Variants in GSE1 observed in about 807,000 individuals in gnomAD.
The protein encoded by GSE1 is genetic suppressor element 1.
Under a neutral mutation model 112.6 loss-of-function variants are expected in GSE1, and 32 were observed. That is an observed-to-expected ratio of 0.28 (90% CI 0.21 to 0.38). GSE1 has a LOEUF of 0.38. Ranked by LOEUF, GSE1 falls within the 10% of genes least tolerant of loss-of-function variation. The pLI, the probability that GSE1 is intolerant of heterozygous loss-of-function variation, is 1.00. For missense variants in GSE1, 2,348 were observed against 1,699.2 expected, an observed-to-expected ratio of 1.38 and a Z score of -6.71; for synonymous variants, 1,115 against 735.6, an observed-to-expected ratio of 1.52 and a Z score of -8.35.
intron 1 of GSE1, among the ~76,000 whole-genome samples, chr16:85,621,370 C>G (rs928066017): frequency 2.0e-5 from 3 of 152,248 alleles, no homozygotes; most frequent in African/African-American, 7.2e-5. Flanking sequence ...CCACCGCCCC[C>G]CGTGCTGGGG....
chr16:85,333,489 T>G lies in GSE1; in HGVS notation c.2284-23974T>G, dbSNP rs376909343. On this transcript the variant is annotated intron_variant, in intron 1 of 2. Transcript: ENST00000637419. ...GCAGCCCGGCCTCGGGCCCTTCCAC[T>G]TTGCCCACCTCACCCCCTTAGGGCT... 3.6e-4 allele frequency among the ~76,000 whole-genome samples: 55 copies of G among 152,232 alleles called. No individual in the cohort carries two copies. The South Asian group carries it at 0.011, about 31-fold the overall frequency.
chr16:85,635,453 G>A (rs1283146902), intron 2 of GSE1, among the ~76,000 whole-genome samples: 3 of 152,190 alleles, frequency 2.0e-5, no homozygotes, highest in Non-Finnish European at 4.4e-5. Flanking sequence ...GACAGCTGCA[G>A]GCAAGATGGC....
chr16:85,668,451 G>C, intron 14 of GSE1, 27 bp downstream of exon 14: 6 of 1,339,280 alleles, frequency 4.5e-6, no homozygotes, highest in Non-Finnish European at 5.2e-6. Context: ...GAAGAGGGGG[G>C]AGGGGGTCAG....
At chr16:85,349,816 A>G (rs2046817515) in intron 1 of GSE1, among the ~76,000 whole-genome samples, 1 of 152,104 alleles carries the variant, frequency 6.6e-6, no homozygotes, top group African/African-American at 2.4e-5. Context: ...GCCTCAGCCC[A>G]TCAGCAAACC....
chr16:85,203,705 C>T (rs1328207380), intron 1 of GSE1, among the ~76,000 whole-genome samples: 1 of 152,302 alleles, frequency 6.6e-6, no homozygotes. Context: ...GTACAGTTCA[C>T]AGAGTTGTGC....
At chr16:85,551,453 C>T (rs2044910061), upstream of GSE1, among the ~76,000 whole-genome samples, 1 of 152,226 alleles carries the variant, frequency 6.6e-6, no homozygotes, top group African/African-American at 2.4e-5. Flanking sequence ...CCAAAAGCCA[C>T]AGCCAAGCCA....
intron 2 of GSE1, among the ~76,000 whole-genome samples, chr16:85,435,547 C>G (rs1165624640): frequency 6.6e-6 from 1 of 152,112 alleles, no homozygotes; most frequent in Admixed American, 6.5e-5. Flanking sequence ...GGGGGAGGGG[C>G]TGGGGGCTGA....
rs1367777453 is a variant in GSE1 at position 85,246,421 on chromosome 16, ACC to A, written c.2283+74617_2283+74618del. 6.2e-4 allele frequency among the ~76,000 whole-genome samples: 25 copies of A among 40,404 alleles called. 1 individual carries two copies. Among genetic ancestry groups the A allele is most frequent in the African/African-American group, 2.3e-3 (24 of 10,422 alleles). The allele number at this position is 40,404 out of a possible 152,430, so 26.5% of individuals were successfully genotyped here. ...ACGCTGTCTACACACACACACACAC[ACC>A]CCATGCTCTCTACACACACACACAC... On this transcript the variant is annotated intron_variant, in intron 1 of 2. Coordinates refer to the GSE1 transcript ENST00000637419.
Position 85,655,913 on chromosome 16 carries a change from G to C in GSE1, c.985G>C (p.Glu329Gln). 6.2e-7 allele frequency: 1 copy of C among 1,601,858 alleles called. No individual in the cohort carries two copies. Residue 329 changes from glutamate to glutamine, a missense_variant, in exon 6 of 16, where the codon GAG becomes CAG. Glu to Gln is a conservative substitution (Grantham distance 29). Coordinates refer to ENST00000253458, the MANE Select transcript of GSE1 (RefSeq NM_014615.5). The stretch of plus-strand genomic sequence containing the variant: ...GGAGCGCATGTCTGGCCTCAGCGCG[G>C]AGAGGTAAGTGCGTCTCGAGCCGAG... Reference protein sequence around the residue: ...HSERMSGLSAERLQMDEELRR... With the variant: ...HSERMSGLSAQRLQMDEELRR...
At chr16:85,368,519 A>G (rs927382787) in intron 2 of GSE1, among the ~76,000 whole-genome samples, 3 of 152,090 alleles carry the variant, frequency 2.0e-5, no homozygotes, top group Non-Finnish European at 4.4e-5. Flanking sequence ...AACCTGGGCA[A>G]GATAATGAGA....
chr16:85,196,977 G>A (rs2074939242), intron 1 of GSE1, among the ~76,000 whole-genome samples: 1 of 152,196 alleles, frequency 6.6e-6, no homozygotes, highest in African/African-American at 2.4e-5. Flanking sequence ...AGGGAGTCTG[G>A]AGACCCCGGT....
chr16:85,337,075 CCCCAGCATCG>C (rs2046506142), intron 1 of GSE1, among the ~76,000 whole-genome samples: 1 of 152,168 alleles, frequency 6.6e-6, no homozygotes, highest in Non-Finnish European at 1.5e-5. Context: ...CTGGGTCTGC[CCCCAGCATCG>C]AGGGGCTGGC....
intron 2 of GSE1, among the ~76,000 whole-genome samples, chr16:85,387,950 A>ATG (rs2047723860): frequency 8.0e-5 from 6 of 75,202 alleles, no homozygotes; most frequent in African/African-American, 3.0e-4. Flanking sequence ...ATGGATGGAT[A>ATG]AAGGGATGGA....
chr16:85,421,171 G>A (rs1241538305), intron 2 of GSE1, among the ~76,000 whole-genome samples: 2 of 152,230 alleles, frequency 1.3e-5, no homozygotes, highest in East Asian at 3.9e-4. Context: ...AGGAAGGGCA[G>A]GGCTGGGCAG....
At chr16:85,648,273 C>T (rs1048864704) in intron 2 of GSE1, among the ~76,000 whole-genome samples, 23 of 152,112 alleles carry the variant, frequency 1.5e-4, no homozygotes, top group African/African-American at 5.6e-4. Context: ...GGTGGGCGGC[C>T]CTGGGCACCA....
intron 1 of GSE1, among the ~76,000 whole-genome samples, chr16:85,336,490 C>T (rs905943056): frequency 3.3e-5 from 5 of 152,272 alleles, no homozygotes; most frequent in African/African-American, 7.2e-5. Flanking sequence ...CTTGGTGGCT[C>T]GGGTAGGACA....
Position 85,408,018 on chromosome 16 carries a change from T to C in GSE1, c.2464+50375T>C, listed in dbSNP as rs1405685633. ...TCAGGGCCCCCTGGATAATCCTCAC[T>C]GTTACACTCAGGGCCCCCCTGGATA... is the stretch of plus-strand genomic sequence containing the variant. On this transcript the variant is annotated intron_variant, in intron 2 of 2. Transcript: ENST00000637419. Among the ~76,000 whole-genome samples the C allele has an allele frequency of 1.5e-3, 71 of 47,664 alleles. 6 individuals carry two copies. Among genetic ancestry groups the C allele is most frequent in the African/African-American group, 3.6e-3 (32 of 8,870 alleles). The allele number at this position is 47,664 out of a possible 152,430, so 31.3% of individuals were successfully genotyped here.
intron 1 of GSE1, among the ~76,000 whole-genome samples, chr16:85,259,807 C>T (rs973857397): frequency 1.3e-5 from 2 of 152,190 alleles, no homozygotes; most frequent in African/African-American, 4.8e-5. Context: ...CAGTGATGGG[C>T]GCATGGGGCA....
At chr16:85,171,230 A>G in exon 1 of GSE1, 1 of 985,738 alleles carries the variant, frequency 1.0e-6, no homozygotes, top group South Asian at 4.7e-5. Flanking sequence ...AGGTACCACC[A>G]GGCCTTCTCC....
Sources: gnomAD v4.1 joint callset for allele counts (sites outside exome capture counted in the v4.1 genomes callset) on GRCh38, gnomAD v4.1.1 for gene constraint, MANE v1.5 for transcripts, NCBI Gene and HGNC (gene_info 2026-07-23, HGNC 2026-07-21) for gene names.